The following OR9Q1 variants were observed in gnomAD, a reference collection of about 807,000 sequenced individuals.
OR9Q1 encodes the protein olfactory receptor family 9 subfamily Q member 1.
For synonymous variants in OR9Q1, 153 were observed against 148.6 expected (o/e 1.03, Z -0.22); for missense variants, 374 against 378.8 (o/e 0.99, Z 0.11).
At chr11:58,078,027 C>G (rs182696095) in intron 2 of OR9Q1, among the ~76,000 whole-genome samples, 22 of 152,112 alleles carry the variant, frequency 1.4e-4, no homozygotes, top group African/African-American at 5.3e-4. Flanking sequence ...CATGGTGGTG[C>G]ATGCCTGTAA....
chr11:58,054,336 T>G (rs1853305920), intron 1 of OR9Q1, among the ~76,000 whole-genome samples: 1 of 152,178 alleles, frequency 6.6e-6, no homozygotes, highest in Non-Finnish European at 1.5e-5. Flanking sequence ...TTTGAGGTTC[T>G]TTATAATAGA....
Position 58,179,667 on chromosome 11 carries a change from T to A in OR9Q1, c.223T>A (p.Ser75Thr). 2 of 1,614,010 alleles carry A rather than the reference T, an allele frequency of 1.2e-6. No individual in the cohort carries two copies. The highest frequency in any genetic ancestry group is 1.7e-6 in the Non-Finnish European group (2 of 1,179,886). ...CGCTTTCATGGACGTCTGCTACTCA[T>A]CTATCACTGTCCCCCAGATGCTGGC... ...HLAFMDVCYSSITVPQMLAVL... is the reference protein window; with the variant it reads ...HLAFMDVCYSTITVPQMLAVL... Residue 75 changes from serine (S) to threonine (T), a missense_variant, in exon 3 of 3, where the codon TCT (serine) becomes ACT (threonine). Ser to Thr is a moderately conservative substitution (Grantham distance 58, BLOSUM62 1). Coordinates refer to ENST00000335397, the MANE Select transcript of OR9Q1 (RefSeq NM_001005212.4).
chr11:58,090,852 C>A (rs185685516), intron 2 of OR9Q1, among the ~76,000 whole-genome samples: 1 of 152,220 alleles, frequency 6.6e-6, no homozygotes, highest in Admixed American at 6.5e-5. Context: ...GATTCAACTT[C>A]TTTCTGGTTT....
At chr11:58,160,174 C>G (rs1383213650) in intron 2 of OR9Q1, among the ~76,000 whole-genome samples, 1 of 152,202 alleles carries the variant, frequency 6.6e-6, no homozygotes, top group Non-Finnish European at 1.5e-5. Context: ...GCAGCACCAA[C>G]TTTTAGACAT....
intron 2 of OR9Q1, among the ~76,000 whole-genome samples, chr11:58,057,005 T>C (rs1853335244): frequency 6.8e-6 from 1 of 146,364 alleles, no homozygotes; most frequent in African/African-American, 2.5e-5. Context: ...TTTTTTTTTT[T>C]TTTTTTTGAG....
At chr11:58,078,494 A>T (rs1565069937) in intron 2 of OR9Q1, 1 of 152,214 alleles carries the variant, frequency 6.6e-6, no homozygotes, top group Non-Finnish European at 1.5e-5. Context: ...CATATTTCTC[A>T]AAATAATGGC....
At chr11:58,161,714 T>C (rs1002316892) in intron 2 of OR9Q1, among the ~76,000 whole-genome samples, 19 of 152,134 alleles carry the variant, frequency 1.2e-4, no homozygotes, top group Non-Finnish European at 4.4e-5. Flanking sequence ...GTATTTTTAG[T>C]AGAGATGGGG....
At chr11:58,169,063 C>G (rs1490216517) in intron 2 of OR9Q1, among the ~76,000 whole-genome samples, 1 of 152,120 alleles carries the variant, frequency 6.6e-6, no homozygotes, top group Admixed American at 6.5e-5. Flanking sequence ...ACTTGACTGA[C>G]AGTTGATTGG....
intron 1 of OR9Q1, among the ~76,000 whole-genome samples, chr11:58,046,993 C>T (rs752328588): frequency 3.4e-4 from 51 of 152,202 alleles, no homozygotes; most frequent in Non-Finnish European, 4.9e-4. Flanking sequence ...TTGCCTATTT[C>T]TTGACATAAG....
At chr11:58,031,750 C>T (rs1853042628) in intron 1 of OR9Q1, 1 of 1,613,890 alleles carries the variant, frequency 6.2e-7, no homozygotes, top group Non-Finnish European at 8.5e-7. Context: ...ATGTCCAGAC[C>T]AAGGTGACCT....
intron 1 of OR9Q1, chr11:58,030,947 C>T: frequency 6.3e-7 from 1 of 1,586,414 alleles, no homozygotes; most frequent in Non-Finnish European, 8.6e-7. Context: ...GCTCTCACTG[C>T]CACATATGCA....
intron 2 of OR9Q1, chr11:58,125,226 C>A (rs1364258790): frequency 1.2e-5 from 1 of 86,020 alleles, no homozygotes; most frequent in African/African-American, 4.3e-5. Flanking sequence ...TGTAGATTCC[C>A]CCCTTACCCA....
intron 2 of OR9Q1, among the ~76,000 whole-genome samples, chr11:58,064,031 G>A (rs1853405678): frequency 6.6e-6 from 1 of 152,078 alleles, no homozygotes. Context: ...GCGAGTGCAG[G>A]GCCTCCAGGG....
intron 2 of OR9Q1, among the ~76,000 whole-genome samples, chr11:58,153,835 T>G (rs1183249453): frequency 6.6e-6 from 1 of 152,192 alleles, no homozygotes; most frequent in Non-Finnish European, 1.5e-5. Flanking sequence ...ATCACTAGAC[T>G]ATGATTCAGC....
At chr11:58,087,848 G>C (rs1387352101) in intron 2 of OR9Q1, among the ~76,000 whole-genome samples, 2 of 151,800 alleles carry the variant, frequency 1.3e-5, no homozygotes, top group African/African-American at 4.9e-5. Flanking sequence ...TGCTGAGAAT[G>C]ATAGCTTCCA....
At chr11:58,109,593 C>T in intron 2 of OR9Q1, 1 of 457,276 alleles carries the variant, frequency 2.2e-6, no homozygotes, top group South Asian at 1.5e-5. Flanking sequence ...GTGGAACTGC[C>T]AGTTCAGGGT....
chr11:58,115,763 A>G (rs980724289), intron 2 of OR9Q1, among the ~76,000 whole-genome samples: 8 of 152,218 alleles, frequency 5.3e-5, no homozygotes, highest in Non-Finnish European at 8.8e-5. Flanking sequence ...AATATAATAC[A>G]TATACAAAGA....
intron 1 of OR9Q1, among the ~76,000 whole-genome samples, chr11:58,033,907 G>A (rs1198400876): frequency 6.6e-6 from 1 of 152,012 alleles, no homozygotes; most frequent in East Asian, 1.9e-4. Flanking sequence ...GTAGCTTAAA[G>A]AATGAAGGAG....
intron 2 of OR9Q1, chr11:58,117,790 G>A (rs899072122): frequency 6.6e-6 from 1 of 152,060 alleles, no homozygotes; most frequent in Non-Finnish European, 1.5e-5. Flanking sequence ...CATTCCCAAA[G>A]GTAGGATGGT....
Sources: gnomAD v4.1 joint callset for allele counts (sites outside exome capture counted in the v4.1 genomes callset) on GRCh38, gnomAD v4.1.1 for gene constraint, MANE v1.5 for transcripts, NCBI Gene and HGNC (gene_info 2026-07-23, HGNC 2026-07-21) for gene names.